Variants in PHLPP1 observed in about 807,000 individuals in gnomAD.
PHLPP1 encodes PH domain and leucine rich repeat protein phosphatase 1.
Under a neutral mutation model 117.2 loss-of-function variants are expected in PHLPP1, and 42 were observed. The ratio of observed to expected loss-of-function variants is 0.36; its 90% CI spans 0.28 to 0.46. The LOEUF (loss-of-function observed/expected upper bound fraction) is 0.46. Among genes scored for constraint, PHLPP1 ranks in the 20% least tolerant of loss-of-function variants. The probability of loss-of-function intolerance (pLI) is 1.00; values close to 1 mark genes in which losing one functional copy is unlikely to be tolerated. For missense variants in PHLPP1, 2,084 were observed against 2,241.9 expected (o/e 0.93, Z 1.42); for synonymous variants, 1,042 against 970.7 (o/e 1.07, Z -1.37).
intron 1 of PHLPP1, among the ~76,000 whole-genome samples, chr18:62,784,244 T>C (rs1014122391): frequency 3.9e-5 from 6 of 152,248 alleles, no homozygotes; most frequent in South Asian, 2.1e-4. Context: ...ACATTTGTCA[T>C]TGGACAGTGA....
chr18:62,874,587 G>C (rs115559269), intron 4 of PHLPP1, among the ~76,000 whole-genome samples: 59 of 152,274 alleles, frequency 3.9e-4, no homozygotes, highest in African/African-American at 1.1e-3. Flanking sequence ...TCTCCCGGCA[G>C]CTAAGAGTGC....
rs532299062 is a variant in PHLPP1 at position 62,970,598 on chromosome 18, C to T, written c.3561-1916C>T. 2.6e-5 allele frequency among the ~76,000 whole-genome samples: 4 copies of T among 152,196 alleles called. No homozygotes were observed. In the South Asian group the frequency reaches 8.3e-4, roughly 32 times the overall value. Reference sequence around the variant, plus strand: ...TGGCCAAGATGGTGAAATGCTGTCTCTACAGAAAATACAAAAATTAGCTGG... The same window carrying T: ...TGGCCAAGATGGTGAAATGCTGTCTTTACAGAAAATACAAAAATTAGCTGG... On this transcript the variant is annotated intron_variant, in intron 14 of 16. Coordinates refer to ENST00000262719, the MANE Select transcript of PHLPP1 (RefSeq NM_194449.4).
intron 3 of PHLPP1, among the ~76,000 whole-genome samples, chr18:62,855,265 A>T (rs1049922570): frequency 6.6e-6 from 1 of 152,020 alleles, no homozygotes; most frequent in Non-Finnish European, 1.5e-5. Context: ...TTTTTGATTA[A>T]TTTTTTTTAT....
chr18:62,742,932 G>A (rs1383513669), intron 1 of PHLPP1, among the ~76,000 whole-genome samples: 2 of 152,040 alleles, frequency 1.3e-5, no homozygotes, highest in Admixed American at 6.6e-5. Flanking sequence ...GTTTGATTGA[G>A]GACATTAAAA....
chr18:62,738,864 C>T (rs1911442331), intron 1 of PHLPP1, among the ~76,000 whole-genome samples: 1 of 152,198 alleles, frequency 6.6e-6, no homozygotes, highest in Non-Finnish European at 1.5e-5. Context: ...GTGCAGACTA[C>T]TGTATGTCCT....
chr18:62,963,399 T>A lies in PHLPP1; in HGVS notation c.3487T>A (p.Ser1163Thr). 6.2e-7 allele frequency: 1 copy of A among 1,613,430 alleles called. No homozygotes were observed. The highest frequency in any genetic ancestry group is 8.5e-7 in the Non-Finnish European group (1 of 1,179,622). ...CCGCTGTTTCAAGATTGATCAGCCT[T>A]CTACAGGAGACGCTTCCGGAGCCCC... ...NIRCFKIDQPSTGDASGAPAV... is the reference protein window; with the variant it reads ...NIRCFKIDQPTTGDASGAPAV... The change falls in exon 14 of 17, where the codon TCT (serine) becomes ACT (threonine). Residue 1163 changes from serine to threonine, a missense_variant. Ser to Thr is a moderately conservative substitution (Grantham distance 58). Around this residue, in one of 2 missense-constraint regions of PHLPP1, gnomAD observed 1,365 missense variants for 1,605.9 expected, o/e 0.85. Coordinates refer to ENST00000262719, the MANE Select transcript of PHLPP1 (RefSeq NM_194449.4).
rs574874826 is a variant in PHLPP1, at chr18:62,887,742, A to C, written c.2067-7269A>C. The stretch of plus-strand genomic sequence containing the variant: ...TGTTTTTTGTTTTTATTTTTATTTT[A>C]TTTTTTCTTTTTTTAGGTAGAGTCT... On this transcript the variant is annotated intron_variant, in intron 4 of 16. Transcript: ENST00000262719. Among the ~76,000 whole-genome samples, 12 of 151,718 alleles carry C rather than the reference A, an allele frequency of 7.9e-5. No homozygotes were observed. The South Asian group carries it at 2.5e-3, about 32-fold the overall frequency.
chr18:62,851,321 C>G (rs1194227251), intron 3 of PHLPP1, among the ~76,000 whole-genome samples: 2 of 151,996 alleles, frequency 1.3e-5, no homozygotes, highest in Non-Finnish European at 2.9e-5. Flanking sequence ...GTTTTCTTCC[C>G]CAGCCTGCAG....
At chr18:62,766,076 A>AAAAAAAAAAAAAAAT in intron 1 of PHLPP1, among the ~76,000 whole-genome samples, 1 of 21,644 alleles carries the variant, frequency 4.6e-5, no homozygotes, top group African/African-American at 1.5e-4. Flanking sequence ...AAAAAAAAAA[A>AAAAAAAAAAAAAAAT]ATATATATAT....
intron 1 of PHLPP1, among the ~76,000 whole-genome samples, chr18:62,775,351 C>T (rs1421827254): frequency 2.0e-5 from 3 of 152,218 alleles, no homozygotes; most frequent in East Asian, 1.9e-4. Context: ...CCACCCGCCT[C>T]GGCCTCCTGA....
intron 3 of PHLPP1, among the ~76,000 whole-genome samples, chr18:62,847,197 C>T (rs1261097871): frequency 6.6e-6 from 1 of 152,200 alleles, no homozygotes; most frequent in Non-Finnish European, 1.5e-5. Context: ...TTCCTTCCTC[C>T]TGTCTTCTCA....
rs1193676377 is a variant in PHLPP1, at chr18:62,717,122, C to T, written c.1439C>T (p.Thr480Ile). The T allele has an allele frequency of 3.1e-6, 5 of 1,590,788 alleles. No homozygotes were observed. In the South Asian group the frequency reaches 3.4e-5, roughly 11 times the overall value. The change falls in exon 1 of 17, where the codon ACC (threonine) becomes ATC (isoleucine). Residue 480 changes from threonine to isoleucine, a missense_variant. Coordinates refer to ENST00000262719, the MANE Select transcript of PHLPP1 (RefSeq NM_194449.4). ...TLYVQLHGET[T>I]RRLEAEEKPL... ...TACGTGCAGCTCCACGGAGAGACCA[C>T]CCGGCGCTTGGAGGCGGAGGAGAAG...
At chr18:62,900,222 AG>A (rs1916675306) in intron 6 of PHLPP1, among the ~76,000 whole-genome samples, 1 of 151,906 alleles carries the variant, frequency 6.6e-6, no homozygotes, top group South Asian at 2.1e-4. Flanking sequence ...GTTTGAACCC[AG>A]GAGGCGGAGG....
At chr18:62,795,492 C>CAAAAA (rs11291832) in intron 1 of PHLPP1, among the ~76,000 whole-genome samples, 17 of 61,346 alleles carry the variant, frequency 2.8e-4, no homozygotes, top group African/African-American at 4.2e-4. Flanking sequence ...GACTCCATCT[C>CAAAAA]AAAAAAAAAA....
intron 10 of PHLPP1, among the ~76,000 whole-genome samples, chr18:62,921,181 T>C (rs1431527451): frequency 6.6e-6 from 1 of 152,248 alleles, no homozygotes; most frequent in Non-Finnish European, 1.5e-5. Context: ...CTGAGTTATT[T>C]TGACTTCTGC....
Position 62,715,819 on chromosome 18 carries a change from G to T in PHLPP1, c.136G>T (p.Gly46Trp). The T allele has an allele frequency of 1.3e-6, 1 of 753,028 alleles. No individual in the cohort carries two copies. The highest frequency in any genetic ancestry group is 1.6e-6 in the Non-Finnish European group (1 of 614,334). 46.6% of individuals were successfully genotyped at this position (753,028 alleles called of 1,614,324 possible). A position where few individuals can be genotyped will look rare whatever the true frequency, so the allele number is the denominator to read the frequency against. ...CGCGGCGGCTCTGGCGGCGGCGGCC[G>T]GGGGCGGCCGGAGTCCGGAGCCCGC... Reference protein sequence around the residue: ...AAAAALAAAAGGGRSPEPALT... With the variant: ...AAAAALAAAAWGGRSPEPALT... Residue 46 changes from glycine to tryptophan, a missense_variant, in exon 1 of 17, where the codon GGG (glycine) becomes TGG (tryptophan). Physicochemically the swap from Gly to Trp is radical, Grantham distance 184. Transcript: ENST00000262719.
chr18:62,796,079 G>A (rs1436878732), intron 1 of PHLPP1, among the ~76,000 whole-genome samples: 1 of 152,174 alleles, frequency 6.6e-6, no homozygotes, highest in African/African-American at 2.4e-5. Context: ...TCCTGTGTGA[G>A]TCCACGGTTT....
intron 11 of PHLPP1, 103 bp from the exon 12 acceptor site, chr18:62,945,006 G>A (rs547227901): frequency 2.6e-4 from 217 of 846,852 alleles, no homozygotes; most frequent in African/African-American, 2.5e-3. Flanking sequence ...TTGTAAAAAT[G>A]ACTGTTACAA....
intron 4 of PHLPP1, among the ~76,000 whole-genome samples, chr18:62,865,035 T>G (rs1915735762): frequency 6.6e-6 from 1 of 152,192 alleles, no homozygotes; most frequent in African/African-American, 2.4e-5. Context: ...GTTACTAATT[T>G]TGGACTGGCT....
Sources: gnomAD v4.1 joint callset for allele counts (sites outside exome capture counted in the v4.1 genomes callset) on GRCh38, gnomAD v4.1.1 for gene constraint, gnomAD v4.1.1 regional missense constraint, MANE v1.5 for transcripts, NCBI Gene and HGNC (gene_info 2026-07-23, HGNC 2026-07-21) for gene names.